Variants in CACNB2 observed in about 807,000 individuals in gnomAD.
The protein encoded by CACNB2 is calcium voltage-gated channel auxiliary subunit beta 2.
A neutral mutation model predicts 73.3 loss-of-function variants in CACNB2; 42 were observed. That is an observed-to-expected ratio of 0.57 (90% confidence interval 0.45 to 0.74). The LOEUF is 0.74. Among genes scored for constraint, CACNB2 ranks in the 30% least tolerant of loss-of-function variants. CACNB2 has a pLI of 0.00. For missense variants in CACNB2, 940 were observed against 853.0 expected (o/e 1.10, Z -1.27); for synonymous variants, 348 against 310.3 (o/e 1.12, Z -1.28).
At chr10:18,435,689 G>A (rs1382923820) in intron 3 of CACNB2, among the ~76,000 whole-genome samples, 2 of 151,820 alleles carry the variant, frequency 1.3e-5, no homozygotes, top group African/African-American at 4.8e-5. Context: ...TTGTAGGGAT[G>A]GGGTTTCGCC....
intron 2 of CACNB2, among the ~76,000 whole-genome samples, chr10:18,242,111 A>ATATGTG (rs373290298): frequency 1.5e-4 from 1 of 6,768 alleles, no homozygotes; most frequent in African/African-American, 1.3e-3. Context: ...ATATGTATAC[A>ATATGTG]TGTGTGTGTG....
intron 2 of CACNB2, among the ~76,000 whole-genome samples, chr10:18,189,232 G>C (rs1168634058): frequency 6.6e-6 from 1 of 152,010 alleles, no homozygotes; most frequent in Non-Finnish European, 1.5e-5. Flanking sequence ...GTGGCTTTCA[G>C]GGCTCTTAAA....
intron 2 of CACNB2, among the ~76,000 whole-genome samples, chr10:18,393,346 T>C (rs928535381): frequency 6.6e-6 from 1 of 152,196 alleles, no homozygotes; most frequent in African/African-American, 2.4e-5. Flanking sequence ...CTCAAAATAA[T>C]ATCAAAATTG....
rs189139950 is a variant in CACNB2 at position 18,364,393 on chromosome 10, C to G, written c.214-37531C>G. On this transcript the variant is annotated intron_variant, in intron 2 of 13. Transcript: ENST00000324631. ...TCGGCTCATTGTAACTTCCGTCTTC[C>G]GGGTTCTAGCAATTCTCCAGCCTCA... Among the ~76,000 whole-genome samples the G allele has an allele frequency of 9.9e-5, 15 of 151,796 alleles. No homozygotes were observed. In the East Asian group the frequency reaches 2.7e-3, roughly 27 times the overall value.
intron 3 of CACNB2, among the ~76,000 whole-genome samples, chr10:18,411,542 T>C (rs971568732): frequency 2.1e-5 from 3 of 143,978 alleles, no homozygotes; most frequent in Non-Finnish European, 4.5e-5. Context: ...GGAACCTCGC[T>C]CTGTTGCCCA....
chr10:18,314,878 T>G (rs1178935058), intron 2 of CACNB2, among the ~76,000 whole-genome samples: 1 of 152,190 alleles, frequency 6.6e-6, no homozygotes, highest in African/African-American at 2.4e-5. Flanking sequence ...ACACTTACAC[T>G]AAAAACTTAC....
At chr10:18,481,689 C>T (rs928787605) in intron 3 of CACNB2, among the ~76,000 whole-genome samples, 1 of 152,116 alleles carries the variant, frequency 6.6e-6, no homozygotes, top group African/African-American at 2.4e-5. Flanking sequence ...CTCTCCTTCC[C>T]TGATTCCTTC....
intron 3 of CACNB2, among the ~76,000 whole-genome samples, chr10:18,455,134 G>A (rs546560503): frequency 6.5e-4 from 99 of 151,914 alleles, no homozygotes; most frequent in Non-Finnish European, 1.1e-3. Flanking sequence ...CCACCAATAT[G>A]TGCCTCTGGA....
At chr10:18,362,162 T>C (rs1481640687) in intron 2 of CACNB2, among the ~76,000 whole-genome samples, 1 of 152,210 alleles carries the variant, frequency 6.6e-6, no homozygotes, top group African/African-American at 2.4e-5. Context: ...CACCTAATGA[T>C]TGAAGCCTCT....
chr10:18,223,285 T>C (rs143228140), intron 2 of CACNB2, among the ~76,000 whole-genome samples: 1,568 of 152,314 alleles, frequency 0.01, 7 homozygotes, highest in Non-Finnish European at 0.018. Flanking sequence ...ATATTAATAA[T>C]TGGCATAAAT....
At chr10:18,322,398 T>C (rs922335146) in intron 2 of CACNB2, among the ~76,000 whole-genome samples, 1 of 152,220 alleles carries the variant, frequency 6.6e-6, no homozygotes, top group Non-Finnish European at 1.5e-5. Context: ...TAATGTTTGT[T>C]GATTAAGGTT....
chr10:18,201,595 CATA>C (rs1349442401), intron 2 of CACNB2, among the ~76,000 whole-genome samples: 3 of 152,060 alleles, frequency 2.0e-5, no homozygotes, highest in Non-Finnish European at 4.4e-5. Flanking sequence ...TTAATTGACA[CATA>C]ATAATTTTAC....
At chr10:18,238,201 A>T (rs1455627819) in intron 2 of CACNB2, among the ~76,000 whole-genome samples, 3 of 152,142 alleles carry the variant, frequency 2.0e-5, no homozygotes, top group African/African-American at 7.2e-5. Flanking sequence ...TTGGCATATA[A>T]TGTACTCGAA....
intron 2 of CACNB2, among the ~76,000 whole-genome samples, chr10:18,212,808 C>G (rs1236566414): frequency 6.6e-6 from 1 of 152,080 alleles, no homozygotes; most frequent in African/African-American, 2.4e-5. Flanking sequence ...AACGTAAAAC[C>G]TGGAATCCCC....
chr10:18,229,779 G>C (rs1298975269), intron 2 of CACNB2, among the ~76,000 whole-genome samples: 2 of 152,252 alleles, frequency 1.3e-5, no homozygotes, highest in Non-Finnish European at 1.5e-5. Flanking sequence ...TTATAGCTAT[G>C]ATGTTAGAGC....
At position 18,207,543 on chromosome 10, in the gene CACNB2, G is replaced by A. The variant is rs186610478; in HGVS notation, c.213+56568G>A. ...AGAAACTATATATCTTAGTTAATAA[G>A]CATTACTAGAATGTTACAAAATATA... On this transcript the variant is annotated intron_variant, in intron 2 of 13. Transcript: ENST00000324631. Among the ~76,000 whole-genome samples the A allele has an allele frequency of 6.0e-4, 91 of 152,240 alleles. No homozygotes were observed. In the East Asian group the frequency reaches 0.012, roughly 19 times the overall value.
At chr10:18,532,302 CAT>C (rs1472549674) in intron 10 of CACNB2, among the ~76,000 whole-genome samples, 1 of 151,974 alleles carries the variant, frequency 6.6e-6, no homozygotes, top group African/African-American at 2.4e-5. Context: ...TATATTAAAA[CAT>C]GTTAATATAT....
chr10:18,283,100 T>G (rs1431489257), intron 2 of CACNB2, among the ~76,000 whole-genome samples: 3 of 152,084 alleles, frequency 2.0e-5, no homozygotes, highest in Non-Finnish European at 2.9e-5. Flanking sequence ...TCAGAGAAAT[T>G]CAAATCAAAA....
chr10:18,493,037 A>G (rs2049548055), intron 3 of CACNB2, among the ~76,000 whole-genome samples: 1 of 152,242 alleles, frequency 6.6e-6, no homozygotes. Flanking sequence ...AATTACAACA[A>G]TAAGAATGAT....
Sources: gnomAD v4.1 joint callset for allele counts (sites outside exome capture counted in the v4.1 genomes callset) on GRCh38, gnomAD v4.1.1 for gene constraint, MANE v1.5 for transcripts, NCBI Gene and HGNC (gene_info 2026-07-23, HGNC 2026-07-21) for gene names.